Variants in WIF1 observed in about 807,000 individuals in gnomAD.
The protein encoded by WIF1 is Wnt inhibitory factor 1.
A neutral mutation model predicts 53.5 loss-of-function variants in WIF1; 35 were observed. The ratio of observed to expected loss-of-function variants is 0.65; its 90% CI spans 0.50 to 0.87. WIF1 has a LOEUF of 0.87. WIF1 is among the 40% of genes least tolerant of loss of function. The pLI is 0.00. For synonymous variants in WIF1, 171 were observed against 170.4 expected, an observed-to-expected ratio of 1.00 and a Z score of -0.03; for missense variants, 467 against 476.8, an observed-to-expected ratio of 0.98 and a Z score of 0.19.
chr12:65,098,908 T>C (rs1469776318), intron 2 of WIF1, among the ~76,000 whole-genome samples: 2 of 152,170 alleles, frequency 1.3e-5, no homozygotes, highest in Non-Finnish European at 2.9e-5. Context: ...CTTGGTTTCC[T>C]CATCTGAAAA....
chr12:65,072,567 C>T (rs1044924351), intron 3 of WIF1, among the ~76,000 whole-genome samples: 6 of 152,066 alleles, frequency 3.9e-5, no homozygotes, highest in Non-Finnish European at 8.8e-5. Context: ...GTAGACACAA[C>T]CATATACCTT....
At chr12:65,106,330 A>C (rs1883350849) in intron 2 of WIF1, among the ~76,000 whole-genome samples, 1 of 151,832 alleles carries the variant, frequency 6.6e-6, no homozygotes, top group Non-Finnish European at 1.5e-5. Flanking sequence ...ACAACTTTCT[A>C]TGATTAACAG....
At chr12:65,084,506 C>T (rs1883005815) in intron 2 of WIF1, among the ~76,000 whole-genome samples, 2 of 152,204 alleles carry the variant, frequency 1.3e-5, no homozygotes, top group South Asian at 4.1e-4. Flanking sequence ...TTCAATAGGA[C>T]TTAAACCAGC....
chr12:65,089,800 G>A (rs1448667408), intron 2 of WIF1, among the ~76,000 whole-genome samples: 1 of 152,008 alleles, frequency 6.6e-6, no homozygotes, highest in Admixed American at 6.5e-5. Context: ...CTTCTTTCCT[G>A]TCCCCTTCCT....
intron 2 of WIF1, among the ~76,000 whole-genome samples, chr12:65,084,268 A>T (rs781273553): frequency 3.9e-5 from 6 of 152,132 alleles, no homozygotes; most frequent in Non-Finnish European, 7.4e-5. Flanking sequence ...TCTCTTTAAA[A>T]GTGGCCAATA....
chr12:65,086,162 G>T (rs960902272), intron 2 of WIF1, among the ~76,000 whole-genome samples: 1 of 151,950 alleles, frequency 6.6e-6, no homozygotes, highest in Admixed American at 6.6e-5. Context: ...AAAAAAAAAG[G>T]TATTGGTATA....
chr12:65,084,102 T>G, intron 2 of WIF1, among the ~76,000 whole-genome samples: 1 of 152,138 alleles, frequency 6.6e-6, no homozygotes, highest in East Asian at 1.9e-4. Flanking sequence ...CTCTATCTCA[T>G]GTCCCCACAG....
chr12:65,104,649 T>A (rs1015272650), intron 2 of WIF1, among the ~76,000 whole-genome samples: 1 of 152,206 alleles, frequency 6.6e-6, no homozygotes, highest in Non-Finnish European at 1.5e-5. Flanking sequence ...GCACAATGAC[T>A]GGCACATGAG....
chr12:65,093,631 G>A (rs575524522), intron 2 of WIF1, among the ~76,000 whole-genome samples: 113 of 152,192 alleles, frequency 7.4e-4, no homozygotes, highest in African/African-American at 2.6e-3. Context: ...AATGAAAGCA[G>A]ACACTATAGT....
chr12:65,098,648 A>T (rs1883238771), intron 2 of WIF1, among the ~76,000 whole-genome samples: 1 of 147,708 alleles, frequency 6.8e-6, no homozygotes, highest in Admixed American at 6.7e-5. Context: ...AAAATTGAAC[A>T]TTAAAGTCTG....
chr12:65,112,204 T>C (rs1052726983), intron 2 of WIF1, among the ~76,000 whole-genome samples: 5 of 152,212 alleles, frequency 3.3e-5, no homozygotes, highest in Non-Finnish European at 7.3e-5. Flanking sequence ...TACACTTCTC[T>C]TGTACTTTTC....
At position 65,086,988 on chromosome 12, in the gene WIF1, A is replaced by T. The variant is rs540459117; in HGVS notation, c.289-9134T>A. On this transcript the variant is annotated intron_variant, in intron 2 of 9. Transcript: ENST00000286574. ...AAACCCCATCTCTACTAAAAATAATAATTAAAAAAAAAATAGCTGGGCATG... is the reference window on the plus strand; with the variant it reads ...AAACCCCATCTCTACTAAAAATAATTATTAAAAAAAAAATAGCTGGGCATG... Among the ~76,000 whole-genome samples the T allele has an allele frequency of 5.9e-5, 9 of 151,452 alleles. No homozygotes were observed. The South Asian group carries it at 1.9e-3, about 32-fold the overall frequency.
chr12:65,120,277 A>T, intron 2 of WIF1, 140 bp downstream of exon 2: 1 of 891,774 alleles, frequency 1.1e-6, no homozygotes, highest in Non-Finnish European at 1.6e-6. Context: ...AATGGAAATT[A>T]ATTCTTTATT....
intron 3 of WIF1, 35 bp from the exon 4 acceptor site, chr12:65,068,939 T>A (rs570587858): frequency 2.5e-6 from 4 of 1,604,162 alleles, no homozygotes; most frequent in East Asian, 2.2e-5. Context: ...GGAGAAATAG[T>A]TAATCTAGTT....
At chr12:65,102,318 C>T (rs2136290944) in intron 2 of WIF1, among the ~76,000 whole-genome samples, 1 of 152,240 alleles carries the variant, frequency 6.6e-6, no homozygotes, top group South Asian at 2.1e-4. Context: ...TCATGATCTT[C>T]AGTTGGCAAG....
At chr12:65,102,862 T>C (rs1883302261) in intron 2 of WIF1, among the ~76,000 whole-genome samples, 1 of 152,196 alleles carries the variant, frequency 6.6e-6, no homozygotes, top group Non-Finnish European at 1.5e-5. Flanking sequence ...GGTGGACAAC[T>C]ATCTATAACC....
In WIF1 at chr12:65,073,681, T is replaced by C. The variant is rs1430461342; in HGVS notation, c.397+4065A>G. 4.6e-5 allele frequency among the ~76,000 whole-genome samples: 7 copies of C among 152,278 alleles called. No homozygotes were observed. The East Asian group carries it at 9.6e-4, about 21-fold the overall frequency. ...GCCTTGTAGAATAATGAATGCTACC[T>C]GGATGCTTAAGAGCAAAGACACACT... On this transcript the variant is annotated intron_variant, in intron 3 of 9. Coordinates refer to ENST00000286574, the MANE Select transcript of WIF1 (RefSeq NM_007191.5).
rs1882771900 is a variant in WIF1, at chr12:65,071,372, G to T, written c.398-2468C>A. On this transcript the variant is annotated intron_variant, in intron 3 of 9. Transcript: ENST00000286574. The stretch of plus-strand genomic sequence containing the variant: ...CTAGAAGATACGGCTTTCCACCATT[G>T]CAGGGAACAAAAGCGAGGTTGCAAA... Among the ~76,000 whole-genome samples the T allele has an allele frequency of 2.6e-5, 4 of 151,984 alleles. No homozygotes were observed. In the South Asian group the frequency reaches 8.3e-4, roughly 32 times the overall value.
At chr12:65,115,174 TAAAA>T (rs35429732) in intron 2 of WIF1, among the ~76,000 whole-genome samples, 2 of 106,754 alleles carry the variant, frequency 1.9e-5, no homozygotes, top group Non-Finnish European at 1.9e-5. Flanking sequence ...TTGTCATTGC[TAAAA>T]AAAAAAAAAA....
Sources: gnomAD v4.1 joint callset for allele counts (sites outside exome capture counted in the v4.1 genomes callset) on GRCh38, gnomAD v4.1.1 for gene constraint, MANE v1.5 for transcripts, NCBI Gene and HGNC (gene_info 2026-07-23, HGNC 2026-07-21) for gene names.